TRIM50: variants seen among roughly 807,000 people sequenced by gnomAD.
TRIM50 encodes the protein E3 ubiquitin-protein ligase TRIM50.
TRIM50 carries 34 observed loss-of-function variants against 44.9 expected under a neutral mutation model. The observed-to-expected ratio is 0.76, with a 90% CI of 0.58 to 1.01. The LOEUF (loss-of-function observed/expected upper bound fraction) is 1.01, where lower values mean the gene tolerates loss of function less well. Ranked by LOEUF, TRIM50 falls within the 50% of genes least tolerant of loss-of-function variation. The pLI is 0.00. For synonymous variants in TRIM50, 307 were observed against 291.1 expected (o/e 1.05, Z -0.56); for missense variants, 633 against 663.7 (o/e 0.95, Z 0.51).
rs781863428 is a variant in TRIM50, at chr7:73,318,872, C to T, written c.676G>A (p.Glu226Lys). 1.3e-5 allele frequency: 21 copies of T among 1,614,008 alleles called. No homozygotes were observed. The highest frequency in any genetic ancestry group is 4.5e-5 in the East Asian group (2 of 44,882). Reference protein sequence around the residue: ...QGTRERLAQAECVLEQFGNED... With the variant: ...QGTRERLAQAKCVLEQFGNED... ...TTGCCGAACTGTTCCAGCACACACT[C>T]GGCTTGGGCCAGCCGCTCCCGGGTT... Residue 226 changes from glutamate to lysine, a missense_variant, in exon 4 of 7, where the codon GAG (glutamate) becomes AAG (lysine). Physicochemically the swap from Glu to Lys is moderately conservative, Grantham distance 56. Coordinates refer to ENST00000333149, the MANE Select transcript of TRIM50 (RefSeq NM_178125.3).
At chr7:73,326,797 G>T (rs1468296502) in intron 1 of TRIM50, among the ~76,000 whole-genome samples, 3 of 151,802 alleles carry the variant, frequency 2.0e-5, no homozygotes, top group Non-Finnish European at 4.4e-5. Context: ...TACAGGTTTT[G>T]TTTGTTTTCT....
chr7:73,325,559 C>T (rs1554545915), intron 1 of TRIM50: 7 of 154,192 alleles, frequency 4.5e-5, no homozygotes, highest in Middle Eastern at 3.4e-3. Context: ...GGCACAGAGT[C>T]AGAAGTGGGA....
intron 4 of TRIM50, 29 bp from the exon 5 acceptor site, chr7:73,318,738 G>T (rs782477015): frequency 1.2e-5 from 19 of 1,613,882 alleles, no homozygotes; most frequent in Non-Finnish European, 1.6e-5. Context: ...GGAGGTTAAG[G>T]CTAGAAGGTG....
At position 73,324,503 on chromosome 7, in the gene TRIM50, CGGGTTCCGGTGGTGCACGCAGACCTT is replaced by C. The variant is rs1804572176; in HGVS notation, c.259_284del (p.Lys87AlafsTer47). 6.2e-7 allele frequency: 1 copy of C among 1,613,742 alleles called. No individual in the cohort carries two copies. Among genetic ancestry groups the C allele is most frequent in the Admixed American group, 1.7e-5 (1 of 59,996 alleles). On this transcript the variant is annotated frameshift_variant, in exon 2 of 7. Transcript: ENST00000333149. LOFTEE classifies it high-confidence loss of function. The stretch of plus-strand genomic sequence containing the variant: ...GGTCCTTCTCGCAGAAAAGGCTGAG[CGGGTTCCGGTGGTGCACGCAGACCTT>C]GGGCTCCGGGTCCCCAGGGAGCCTC...
rs1804596743 is a variant in TRIM50 at position 73,325,211 on chromosome 7, C to T, written c.-18-406G>A. ...AAGCTCCCCACCTTCTAGATCAGTT[C>T]CCAAACTTTCGGGAAACTGTTGAAA... On this transcript the variant is annotated intron_variant, in intron 1 of 6. Transcript: ENST00000333149. Among the ~76,000 whole-genome samples the T allele has an allele frequency of 3.3e-5, 5 of 152,094 alleles. No individual in the cohort carries two copies. In the South Asian group the frequency reaches 1.0e-3, roughly 32 times the overall value.
In TRIM50 at chr7:73,312,969, C is replaced by T. The variant is rs1256013179; in HGVS notation, c.1416G>A (p.Pro472=). 19 of 1,550,416 alleles carry T rather than the reference C, an allele frequency of 1.2e-5. No homozygotes were observed. The highest frequency in any genetic ancestry group is 7.3e-5 in the East Asian group (3 of 40,956). Residue 472 remains proline, a synonymous_variant, in exon 7 of 7, where the codon CCG becomes CCA. Transcript: ENST00000333149. ...GGCTGAGGGGGCCAGGCCCGCTGGG[C>T]GGGGGCAGCACCATGGGCAGCGAGT... ...GSNSLPMVLP[P]PSGPGPLSPE...
rs1426066070 is a variant in TRIM50 at position 73,313,053 on chromosome 7, G to T, written c.1332C>A (p.Ala444=). Residue 444 remains alanine (A), a synonymous_variant, in exon 7 of 7, where the codon GCC becomes GCA. Coordinates refer to ENST00000333149, the MANE Select transcript of TRIM50 (RefSeq NM_178125.3). The surrounding 1 kb of genome is among the most constrained non-coding windows in gnomAD (Gnocchi z 4.9). ...DDLRPLYTFQ[A]DFQGKLYPIL... is the part of the protein sequence containing the mutation. ...TGGGGTAGAGCTTGCCCTGGAAGTC[G>T]GCCTGGAAGGTGTAGAGCGGCCGCA... is the stretch of plus-strand genomic sequence containing the variant. 6.3e-7 allele frequency: 1 copy of T among 1,580,576 alleles called. No homozygotes were observed. The highest frequency in any genetic ancestry group is 2.3e-5 in the East Asian group (1 of 43,308).
chr7:73,316,753 CCTAT>C (rs1200563024), intron 5 of TRIM50, 64 bp from the exon 6 acceptor site: 9 of 1,583,788 alleles, frequency 5.7e-6, no homozygotes, highest in Admixed American at 1.7e-5. Flanking sequence ...ACCCCTCCAT[CCTAT>C]CTATGTTTGC....
At chr7:73,315,687 G>C (rs1480500696) in intron 6 of TRIM50, among the ~76,000 whole-genome samples, 1 of 151,926 alleles carries the variant, frequency 6.6e-6, no homozygotes, top group Non-Finnish European at 1.5e-5. Flanking sequence ...TTTTGCTTTT[G>C]GTGGATGAAA....
chr7:73,322,238 A>T (rs1490241178), intron 2 of TRIM50, among the ~76,000 whole-genome samples: 1 of 152,134 alleles, frequency 6.6e-6, no homozygotes, highest in East Asian at 1.9e-4. Context: ...AGTCCCAGCT[A>T]CTTGGGAGGC....
intron 5 of TRIM50, among the ~76,000 whole-genome samples, chr7:73,317,647 C>T (rs1376170371): frequency 2.0e-5 from 3 of 152,178 alleles, no homozygotes; most frequent in Admixed American, 6.5e-5. Flanking sequence ...TGTAAGCCGC[C>T]ATGCCCAGCC....
rs782695612 is a variant in TRIM50, at chr7:73,316,594, C to A, written c.845G>T (p.Trp282Leu). The change falls in exon 6 of 7, where the codon TGG (tryptophan) becomes TTG (leucine). Residue 282 changes from tryptophan to leucine, a missense_variant. By Grantham distance (61) the Trp-to-Leu change is moderately conservative. Coordinates refer to ENST00000333149, the MANE Select transcript of TRIM50 (RefSeq NM_178125.3). The part of the protein sequence containing the change: ...LHQADIKLTV[W>L]KRLFRKVLPA... ...CAAAACTTTCCGGAAGAGCCTTTTC[C>A]ACACGGTCAGCTTGATGTCAGCCTG... 1.9e-6 allele frequency: 3 copies of A among 1,614,232 alleles called. No homozygotes were observed. In the Admixed American group the frequency reaches 5.0e-5, roughly 27 times the overall value.
At position 73,313,434 on chromosome 7, in the gene TRIM50, C is replaced by G; in HGVS notation, c.951G>C (p.Gln317His). ...LELSKGNTVV[Q>H]CGLLAQRRAS... ...CTCGCCGCTGGGCCAGAAGCCCGCACTGCACCACCGTGTTGCCCTTGGAGA... is the reference window on the plus strand; with the variant it reads ...CTCGCCGCTGGGCCAGAAGCCCGCAGTGCACCACCGTGTTGCCCTTGGAGA... The change falls in exon 7 of 7, where the codon CAG becomes CAC. Residue 317 changes from glutamine (Q) to histidine (H), a missense_variant. Gln to His is a conservative substitution (Grantham distance 24). Transcript: ENST00000333149. This position sits in a 1 kb window ranked among gnomAD's most constrained non-coding sequence, Gnocchi z 4.9. 1 of 1,563,538 alleles carries G rather than the reference C, an allele frequency of 6.4e-7. No homozygotes were observed.
intron 1 of TRIM50, 59 bp downstream of exon 1, chr7:73,327,841 A>G (rs1200447042): frequency 9.3e-6 from 3 of 321,130 alleles, no homozygotes; most frequent in East Asian, 8.1e-5. Flanking sequence ...CCCGTGCCCC[A>G]TCATGCTCTG....
Position 73,327,605 on chromosome 7 carries a change from G to C in TRIM50, c.-19+295C>G, listed in dbSNP as rs1207611306. Among the ~76,000 whole-genome samples the C allele has an allele frequency of 9.2e-5, 14 of 152,242 alleles. 1 individual carries two copies. The highest frequency in any genetic ancestry group is 2.0e-4 in the Admixed American group (3 of 15,284). ...CAGCTGGGAGCCCTGAACCCTGCTG[G>C]TGGCAGGTGGCTCTCGTGTCCTCAC... On this transcript the variant is annotated intron_variant, in intron 1 of 6. Coordinates refer to ENST00000333149, the MANE Select transcript of TRIM50 (RefSeq NM_178125.3).
rs1554546479 is a variant in TRIM50, at chr7:73,327,953, A to G, written c.-72T>C. On this transcript the variant is annotated 5_prime_UTR_variant, in exon 1 of 7. Coordinates refer to ENST00000333149, the MANE Select transcript of TRIM50 (RefSeq NM_178125.3). ...TCGTGCTCTCTGTCGCTCCAGTTAG[A>G]TGCCCCATCCTGCCCCGCGAGCTCC... The G allele has an allele frequency of 1.9e-6, 1 of 535,580 alleles. No homozygotes were observed. Among genetic ancestry groups the G allele is most frequent in the Non-Finnish European group, 3.4e-6 (1 of 296,606 alleles). 33.2% of individuals were successfully genotyped at this position (535,580 alleles called of 1,614,324 possible).
Position 73,313,388 on chromosome 7 carries a change from CG to C in TRIM50, c.996del (p.Phe332LeufsTer45). The C allele has an allele frequency of 6.3e-7, 1 of 1,589,172 alleles. No homozygotes were observed. The highest frequency in any genetic ancestry group is 8.5e-7 in the Non-Finnish European group (1 of 1,170,094). ...CTGGCCAGGACGCAGGTGCTGTAGT[CG>C]AAGCGCTCAGGCTGGCTGGCTCGCC... ...AQRRASQPER[F>X]DYSTCVLASR... is the part of the protein sequence containing the mutation. On this transcript the variant is annotated frameshift_variant, in exon 7 of 7. Coordinates refer to ENST00000333149, the MANE Select transcript of TRIM50 (RefSeq NM_178125.3). LOFTEE classifies it high-confidence loss of function. The surrounding 1 kb of genome is among the most constrained non-coding windows in gnomAD (Gnocchi z 4.9).
rs140574537 is a variant in TRIM50, at chr7:73,328,003, C to T, written c.-122G>A. On this transcript the variant is annotated 5_prime_UTR_variant, in exon 1 of 7. Coordinates refer to ENST00000333149, the MANE Select transcript of TRIM50 (RefSeq NM_178125.3). Reference sequence around the variant, plus strand: ...CAATTACGTGCCCCACCTAACCCCCCACGTCCGTGCCTCATCATGACCCGC... The same window carrying T: ...CAATTACGTGCCCCACCTAACCCCCTACGTCCGTGCCTCATCATGACCCGC... 405 of 609,964 alleles carry T rather than the reference C, an allele frequency of 6.6e-4. 6 individuals are homozygous for T. The East Asian group carries it at 0.01, about 15-fold the overall frequency. 37.8% of individuals were successfully genotyped at this position (609,964 alleles called of 1,614,324 possible).
chr7:73,321,146 A>AG (rs1387071110), intron 2 of TRIM50, among the ~76,000 whole-genome samples: 4 of 152,226 alleles, frequency 2.6e-5, no homozygotes, highest in Non-Finnish European at 5.9e-5. Context: ...AGCCTGGGCA[A>AG]CACAGTGAGA....
Sources: gnomAD v4.1 joint callset for allele counts (sites outside exome capture counted in the v4.1 genomes callset) on GRCh38, gnomAD v4.1.1 for gene constraint, Gnocchi (gnomAD v3.1) non-coding constraint, MANE v1.5 for transcripts, NCBI Gene and HGNC (gene_info 2026-07-23, HGNC 2026-07-21) for gene names.